The following GLO1 variants were observed in gnomAD, a reference collection of about 807,000 sequenced individuals.
The protein encoded by GLO1 is glyoxalase I, also known as lactoylglutathione lyase.
Under a neutral mutation model 26.0 loss-of-function variants are expected in GLO1, and 28 were observed. The observed-to-expected ratio is 1.08, with a 90% CI of 0.80 to 1.48. The LOEUF is 1.48. Among genes scored for constraint, GLO1 ranks in the 40% most tolerant of loss-of-function variants. GLO1 has a pLI of 0.00. For synonymous variants in GLO1, 78 were observed against 77.6 expected (o/e 1.00, Z -0.03); for missense variants, 225 against 224.8 (o/e 1.00, Z -0.01).
chr6:38,700,248 C>T (rs1026495884), intron 1 of GLO1, among the ~76,000 whole-genome samples: 2 of 152,222 alleles, frequency 1.3e-5, no homozygotes, highest in Admixed American at 6.5e-5. Context: ...ATGTTTCCTT[C>T]ATCAGAATGC....
intron 1 of GLO1, among the ~76,000 whole-genome samples, chr6:38,694,002 A>T (rs1200105218): frequency 6.6e-6 from 1 of 151,986 alleles, no homozygotes; most frequent in Non-Finnish European, 1.5e-5. Context: ...GAGCCACTGC[A>T]CCCGGCCTCA....
At chr6:38,700,418 C>T (rs997271965) in intron 1 of GLO1, among the ~76,000 whole-genome samples, 30 of 152,218 alleles carry the variant, frequency 2.0e-4, no homozygotes, top group African/African-American at 6.0e-4. Context: ...ATTTTATCCT[C>T]ATAGCAGCTC....
At chr6:38,699,079 C>T (rs1761654244) in intron 1 of GLO1, among the ~76,000 whole-genome samples, 1 of 152,164 alleles carries the variant, frequency 6.6e-6, no homozygotes, top group Admixed American at 6.5e-5. Flanking sequence ...CTTAGATAAC[C>T]TGAACTGCAA....
chr6:38,689,266 C>G (rs1237555489), intron 1 of GLO1, among the ~76,000 whole-genome samples: 1 of 152,226 alleles, frequency 6.6e-6, no homozygotes, highest in Non-Finnish European at 1.5e-5. Flanking sequence ...GACCTCTAGC[C>G]TATGGAATTA....
At chr6:38,695,709 A>G (rs1459599845) in intron 1 of GLO1, among the ~76,000 whole-genome samples, 1 of 152,068 alleles carries the variant, frequency 6.6e-6, no homozygotes, top group Non-Finnish European at 1.5e-5. Context: ...TTTTGCTGGC[A>G]TGGGTGGGAC....
intron 1 of GLO1, among the ~76,000 whole-genome samples, chr6:38,689,464 C>T (rs1761502364): frequency 6.6e-6 from 1 of 152,176 alleles, no homozygotes; most frequent in African/African-American, 2.4e-5. Context: ...TTTATCATTA[C>T]TTCTGTTCAC....
At chr6:38,685,140 A>ACACTGTAC (rs1761443710) in intron 2 of GLO1, among the ~76,000 whole-genome samples, 1 of 152,210 alleles carries the variant, frequency 6.6e-6, no homozygotes, top group Non-Finnish European at 1.5e-5. Context: ...CAGAGTGGGG[A>ACACTGTAC]AGCATCAGCT....
At chr6:38,682,254 A>G (rs1373629975) in intron 4 of GLO1, among the ~76,000 whole-genome samples, 153 bp from the exon 5 acceptor site, 1 of 152,230 alleles carries the variant, frequency 6.6e-6, no homozygotes, top group Non-Finnish European at 1.5e-5. Flanking sequence ...ATAATACATT[A>G]AAGAACAAAT....
chr6:38,683,235 C>G (rs1049886305), intron 3 of GLO1: 1 of 181,282 alleles, frequency 5.5e-6, no homozygotes, highest in Non-Finnish European at 1.1e-5. Flanking sequence ...TTTAGAGTCA[C>G]AGACTCATAT....
At position 38,682,809 on chromosome 6, in the gene GLO1, G is replaced by A. The variant is rs112857632; in HGVS notation, c.375C>T (p.Phe125=). ...TCACATAAAAACAGGCAAACTTACC[G>A]AATCCTCGAGGGTCTGAATTGCCAT... ...YHNGNSDPRG[F]GHIGIAVPDV... Residue 125 remains phenylalanine, a splice_region_variant and synonymous_variant, in exon 4 of 6, where the codon TTC becomes TTT. Transcript: ENST00000373365. 2.5e-5 allele frequency: 40 copies of A among 1,573,262 alleles called. No individual in the cohort carries two copies. The East Asian group carries it at 4.9e-4, about 19-fold the overall frequency.
intron 1 of GLO1, among the ~76,000 whole-genome samples, chr6:38,697,013 G>A (rs1002781629): frequency 6.6e-6 from 1 of 151,188 alleles, no homozygotes; most frequent in Non-Finnish European, 1.5e-5. Context: ...CTGCCTCCCA[G>A]GCTATTCTCC....
intron 1 of GLO1, among the ~76,000 whole-genome samples, chr6:38,697,798 T>C (rs1399500269): frequency 1.3e-5 from 2 of 152,210 alleles, no homozygotes; most frequent in Non-Finnish European, 2.9e-5. Context: ...AAAAATGAGC[T>C]TTTCAACTGC....
At chr6:38,681,830 G>A (rs1379649485) in intron 5 of GLO1, among the ~76,000 whole-genome samples, 182 bp downstream of exon 5, 1 of 152,172 alleles carries the variant, frequency 6.6e-6, no homozygotes, top group Non-Finnish European at 1.5e-5. Flanking sequence ...CCTAGTTGCT[G>A]TCTTTCAGTT....
chr6:38,696,973 C>A (rs1421553947), intron 1 of GLO1, among the ~76,000 whole-genome samples: 1 of 150,054 alleles, frequency 6.7e-6, no homozygotes, highest in African/African-American at 2.5e-5. Flanking sequence ...GGCTGGAGTG[C>A]AATGGCACGA....
intron 1 of GLO1, among the ~76,000 whole-genome samples, chr6:38,689,023 T>C (rs906883377): frequency 2.6e-5 from 4 of 152,188 alleles, no homozygotes; most frequent in African/African-American, 4.8e-5. Context: ...CTGCAGGTGC[T>C]GGCTCTGAGA....
intron 5 of GLO1, 98 bp from the exon 6 acceptor site, chr6:38,677,481 G>C (rs1273575086): frequency 3.0e-6 from 2 of 671,574 alleles, no homozygotes; most frequent in Non-Finnish European, 5.3e-6. Context: ...CTGAATGTCA[G>C]GCTGGAGTGC....
chr6:38,701,938 T>C (rs954680352), intron 1 of GLO1, among the ~76,000 whole-genome samples: 26 of 151,454 alleles, frequency 1.7e-4, no homozygotes, highest in Non-Finnish European at 3.2e-4. Context: ...ATTTTTTTTT[T>C]TTTTTTTTTT....
chr6:38,680,747 TG>T (rs1220658707), intron 5 of GLO1, among the ~76,000 whole-genome samples: 1 of 152,018 alleles, frequency 6.6e-6, no homozygotes, highest in East Asian at 1.9e-4. Flanking sequence ...AACAATTAGC[TG>T]GGTGTGGTGG....
At chr6:38,694,252 G>GA (rs1221406805) in intron 1 of GLO1, among the ~76,000 whole-genome samples, 32 of 149,618 alleles carry the variant, frequency 2.1e-4, no homozygotes, top group Admixed American at 1.5e-3. Flanking sequence ...CAGACACTTG[G>GA]AAAAAAAAAG....
Sources: gnomAD v4.1 joint callset for allele counts (sites outside exome capture counted in the v4.1 genomes callset) on GRCh38, gnomAD v4.1.1 for gene constraint, MANE v1.5 for transcripts, NCBI Gene and HGNC (gene_info 2026-07-23, HGNC 2026-07-21) for gene names.